The following OCA2 variants were observed in gnomAD, a reference collection of about 807,000 sequenced individuals.
OCA2 encodes OCA2 melanosomal transmembrane protein.
Under a neutral mutation model 100.2 loss-of-function variants are expected in OCA2, and 77 were observed. The observed-to-expected ratio is 0.77, with a 90% CI of 0.64 to 0.93. OCA2 has a LOEUF of 0.93. OCA2 is among the 40% of genes least tolerant of loss of function. OCA2 has a pLI of 0.00. For missense variants in OCA2, 1,062 were observed against 1,089.1 expected (o/e 0.98, Z 0.35); for synonymous variants, 432 against 439.2 (o/e 0.98, Z 0.21).
At position 27,898,510 on chromosome 15, in the gene OCA2, G is replaced by C. The variant is rs188715082; in HGVS notation, c.2080-26588C>G. 2.0e-5 allele frequency among the ~76,000 whole-genome samples: 3 copies of C among 152,284 alleles called. No individual in the cohort carries two copies. The East Asian group carries it at 5.8e-4, about 29-fold the overall frequency. ...TGTGACTTGCTTCTCCTCGTCTTTT[G>C]CCATGATTGTGAGGCCTCCCCAGAC... On this transcript the variant is annotated intron_variant, in intron 19 of 23. Coordinates refer to ENST00000354638, the MANE Select transcript of OCA2 (RefSeq NM_000275.3).
chr15:27,743,532 T>C, the OCA2 span, among the ~76,000 whole-genome samples: 2,315 of 152,224 alleles, frequency 0.015, 56 homozygotes, highest in African/African-American at 0.053. Flanking sequence ...GGAAGCTTAT[T>C]CCAGAGTGTC....
At chr15:27,929,510 G>C (rs1378940389) in intron 18 of OCA2, among the ~76,000 whole-genome samples, 1 of 152,048 alleles carries the variant, frequency 6.6e-6, no homozygotes, top group Non-Finnish European at 1.5e-5. Flanking sequence ...TTATAGGTCT[G>C]AATGTAAAAC....
At chr15:28,002,008 T>C (rs2041943802) in intron 9 of OCA2, among the ~76,000 whole-genome samples, 2 of 152,096 alleles carry the variant, frequency 1.3e-5, no homozygotes, top group Non-Finnish European at 2.9e-5. Context: ...CACCAAGATG[T>C]TCAAGTAGGT....
At chr15:27,953,775 A>G (rs972139348) in intron 17 of OCA2, among the ~76,000 whole-genome samples, 3 of 151,226 alleles carry the variant, frequency 2.0e-5, no homozygotes, top group Non-Finnish European at 2.9e-5. Flanking sequence ...TCTTATTTCA[A>G]TAGGTTTCAG....
intron 3 of OCA2, among the ~76,000 whole-genome samples, chr15:28,030,440 GGACT>G (rs2042878121): frequency 6.6e-6 from 1 of 152,224 alleles, no homozygotes. Flanking sequence ...GACAGGAGTA[GGACT>G]GACTGCCTGG....
At chr15:28,000,905 T>C (rs2041904762) in intron 9 of OCA2, among the ~76,000 whole-genome samples, 1 of 151,994 alleles carries the variant, frequency 6.6e-6, no homozygotes, top group Admixed American at 6.6e-5. Context: ...AAAAACACAA[T>C]GAGATATGGC....
At chr15:28,006,064 A>G (rs887161197) in intron 9 of OCA2, among the ~76,000 whole-genome samples, 5 of 152,148 alleles carry the variant, frequency 3.3e-5, no homozygotes, top group African/African-American at 1.2e-4. Context: ...GTCCTCAACT[A>G]TAAAATGGAG....
intron 23 of OCA2, among the ~76,000 whole-genome samples, chr15:27,793,016 C>T (rs960678034): frequency 6.6e-6 from 1 of 152,192 alleles, no homozygotes; most frequent in African/African-American, 2.4e-5. Flanking sequence ...GGTCCAACAG[C>T]TCCCGGGCTG....
At chr15:27,959,818 A>C (rs143643826) in intron 15 of OCA2, among the ~76,000 whole-genome samples, 1 of 152,268 alleles carries the variant, frequency 6.6e-6, no homozygotes, top group Non-Finnish European at 1.5e-5. Flanking sequence ...AACCCATAAA[A>C]CCAAAAAGGA....
chr15:27,953,027 C>A (rs2040088195), intron 17 of OCA2, among the ~76,000 whole-genome samples: 1 of 152,182 alleles, frequency 6.6e-6, no homozygotes, highest in African/African-American at 2.4e-5. Context: ...GCACACCTGT[C>A]TACCCATCTG....
chr15:28,061,586 T>C (rs2043875084), intron 2 of OCA2, among the ~76,000 whole-genome samples: 1 of 152,092 alleles, frequency 6.6e-6, no homozygotes, highest in African/African-American at 2.4e-5. Flanking sequence ...AGTGTCCATA[T>C]TAAAAGAGGC....
At chr15:27,728,782 A>G in the OCA2 span, among the ~76,000 whole-genome samples, 3 of 152,160 alleles carry the variant, frequency 2.0e-5, no homozygotes, top group Admixed American at 6.5e-5. Flanking sequence ...TGTGTGACAG[A>G]ATACTCTGAC....
intron 9 of OCA2, among the ~76,000 whole-genome samples, chr15:28,005,475 G>C (rs536186994): frequency 1.3e-5 from 2 of 152,126 alleles, no homozygotes; most frequent in African/African-American, 4.8e-5. Context: ...TCGAGGCGTC[G>C]CAGGAACGCA....
At chr15:27,982,822 G>A (rs1429969499) in intron 14 of OCA2, among the ~76,000 whole-genome samples, 2 of 152,196 alleles carry the variant, frequency 1.3e-5, no homozygotes, top group Non-Finnish European at 2.9e-5. Context: ...TTGAAGATAT[G>A]TAGAATACCT....
rs144148397 is a variant in OCA2 at position 27,942,978 on chromosome 15, G to C, written c.1951+8806C>G. ...AGGGATGTAAATATTTTTATTATCA[G>C]GTTAACACAAACTGTATGTAATAAC... On this transcript the variant is annotated intron_variant, in intron 18 of 23. Transcript: ENST00000354638. 1.7e-3 allele frequency among the ~76,000 whole-genome samples: 264 copies of C among 152,096 alleles called. 1 individual carries two copies. Among genetic ancestry groups the C allele is most frequent in the Non-Finnish European group, 2.7e-3 (183 of 68,004 alleles).
chr15:27,965,219 G>A (rs1293223291), intron 15 of OCA2, among the ~76,000 whole-genome samples: 2 of 152,108 alleles, frequency 1.3e-5, no homozygotes, highest in Admixed American at 6.6e-5. Flanking sequence ...TATCCACCAC[G>A]ATCACAGTCT....
chr15:27,947,854 G>A (rs1408454966), intron 18 of OCA2, among the ~76,000 whole-genome samples: 4 of 152,102 alleles, frequency 2.6e-5, no homozygotes, highest in African/African-American at 4.8e-5. Context: ...CTCACTGCCC[G>A]GCCCCCATCC....
chr15:27,857,059 GAATTA>G (rs1263723822), intron 21 of OCA2, among the ~76,000 whole-genome samples: 1 of 152,144 alleles, frequency 6.6e-6, no homozygotes, highest in Non-Finnish European at 1.5e-5. Context: ...CTAGGCATTA[GAATTA>G]TTAGTCAAAG....
Position 27,944,063 on chromosome 15 carries a change from A to G in OCA2, c.1951+7721T>C, listed in dbSNP as rs1052038334. 4.6e-5 allele frequency among the ~76,000 whole-genome samples: 7 copies of G among 152,234 alleles called. No homozygotes were observed. The East Asian group carries it at 7.7e-4, about 17-fold the overall frequency. ...TAATTTACAGAGTTTCACTCTTTTC[A>G]TCGACACCTTGACTATGGAAATTAT... On this transcript the variant is annotated intron_variant, in intron 18 of 23. Coordinates refer to ENST00000354638, the MANE Select transcript of OCA2 (RefSeq NM_000275.3).
Sources: allele counts gnomAD v4.1 joint callset (sites outside exome capture counted in the v4.1 genomes callset), GRCh38; gene constraint gnomAD v4.1.1; transcripts MANE v1.5; gene names NCBI Gene and HGNC (gene_info 2026-07-23, HGNC 2026-07-21).